INO80C: variants seen among roughly 807,000 people sequenced by gnomAD.
INO80C encodes INO80 complex subunit C.
Under a neutral mutation model 17.7 loss-of-function variants are expected in INO80C, and 17 were observed. The ratio of observed to expected loss-of-function variants is 0.96; its 90% CI spans 0.66 to 1.44. The LOEUF (loss-of-function observed/expected upper bound fraction) is 1.44, where lower values mean the gene tolerates loss of function less well. INO80C is among the 40% of genes most tolerant of loss of function. The probability of loss-of-function intolerance (pLI) is 0.00; values close to 1 mark genes in which losing one functional copy is unlikely to be tolerated. For missense variants in INO80C, 244 were observed against 245.0 expected, an observed-to-expected ratio of 1.00 and a Z score of 0.03; for synonymous variants, 96 against 95.8, an observed-to-expected ratio of 1.00 and a Z score of -0.01.
chr18:35,495,871 AAAG>A, intron 1 of INO80C, among the ~76,000 whole-genome samples: 1 of 152,340 alleles, frequency 6.6e-6, no homozygotes, highest in Non-Finnish European at 1.5e-5. Context: ...GCACTCCACA[AAAG>A]ATCTGGAATG....
At chr18:35,468,821 T>C in intron 4 of INO80C, 79 bp from the exon 5 acceptor site, 2 of 1,306,930 alleles carry the variant, frequency 1.5e-6, no homozygotes, top group Non-Finnish European at 2.2e-6. Flanking sequence ...AAAAATTTTT[T>C]CTATTTCACT....
Position 35,497,705 on chromosome 18 carries a change from G to T in INO80C, c.156+14C>A. ...CGCGACGCGCACGCGCAGCCTGGGA[G>T]CGCGACTGCGTACCTGCGCAAAGCT... On this transcript the variant is annotated intron_variant, in intron 1 of 4. Transcript: ENST00000334598. 2 of 1,608,714 alleles carry T rather than the reference G, an allele frequency of 1.2e-6. No individual in the cohort carries two copies. Among genetic ancestry groups the T allele is most frequent in the Admixed American group, 3.4e-5 (2 of 59,620 alleles).
At chr18:35,480,182 T>C (rs1439894833) in intron 2 of INO80C, among the ~76,000 whole-genome samples, 3 of 152,186 alleles carry the variant, frequency 2.0e-5, no homozygotes, top group Non-Finnish European at 4.4e-5. Context: ...ATGAAAAGGT[T>C]AGGGGAACAA....
At chr18:35,489,339 C>T (rs1292612223) in intron 1 of INO80C, 9 of 278,000 alleles carry the variant, frequency 3.2e-5, no homozygotes, top group Admixed American at 8.6e-5. Context: ...CACAGTTCCA[C>T]GTGGCTGGGG....
intron 1 of INO80C, among the ~76,000 whole-genome samples, chr18:35,481,049 A>G (rs2045801437): frequency 1.3e-5 from 2 of 152,186 alleles, no homozygotes; most frequent in African/African-American, 4.8e-5. Flanking sequence ...ACTCTGTCTT[A>G]AAATATTAAG....
intron 4 of INO80C, among the ~76,000 whole-genome samples, chr18:35,470,820 C>T (rs1480541830): frequency 6.6e-6 from 1 of 152,220 alleles, no homozygotes; most frequent in Non-Finnish European, 1.5e-5. Context: ...AAGTGACACC[C>T]AGGAGTTGAA....
At chr18:35,492,423 G>T (rs1462692113) in intron 1 of INO80C, among the ~76,000 whole-genome samples, 1 of 151,992 alleles carries the variant, frequency 6.6e-6, no homozygotes, top group Non-Finnish European at 1.5e-5. Context: ...GTGAAAAACG[G>T]GGCACGTAAT....
Position 35,468,683 on chromosome 18 carries a change from G to C in INO80C, c.507C>G (p.Tyr169Ter). The change falls in exon 5 of 5, where the codon TAC becomes TAG. Residue 169 changes from tyrosine to a stop codon, truncating the protein, a stop_gained. Coordinates refer to ENST00000334598, the MANE Select transcript of INO80C (RefSeq NM_194281.4). LOFTEE classifies it high-confidence loss of function. The stretch of plus-strand genomic sequence containing the variant: ...CGACGTCAGAGGGCAGCCTCCGAAT[G>C]TAGGAAAACTCTTCAATGGTGCTGA... ...LRFSTIEEFS[Y>*]IRRLPSDVVT... The C allele has an allele frequency of 6.2e-7, 1 of 1,614,208 alleles. No homozygotes were observed. Among genetic ancestry groups the C allele is most frequent in the Non-Finnish European group, 8.5e-7 (1 of 1,180,026 alleles).
chr18:35,468,735 T>C lies in INO80C; in HGVS notation c.455A>G (p.Tyr152Cys). 1.9e-6 allele frequency: 3 copies of C among 1,614,048 alleles called. No homozygotes were observed. Among genetic ancestry groups the C allele is most frequent in the Non-Finnish European group, 2.5e-6 (3 of 1,179,922 alleles). Residue 152 changes from tyrosine to cysteine, a missense_variant, in exon 5 of 5, where the codon TAC (tyrosine) becomes TGC (cysteine). By Grantham distance (194) the Tyr-to-Cys change is radical. Transcript: ENST00000334598. Reference protein sequence around the residue: ...YSDVSGLLANYTDPQSKLRFS... With the variant: ...YSDVSGLLANCTDPQSKLRFS... ...CCGCAGTTTGCTCTGGGGGTCTGTG[T>C]AGTTGGCCTGGGTGAAAAGAGGCAC...
At chr18:35,479,078 C>A in intron 3 of INO80C, 2 of 418,416 alleles carry the variant, frequency 4.8e-6, no homozygotes, top group Admixed American at 4.2e-5. Context: ...GACCTATGAC[C>A]CTAAAAACCA....
chr18:35,497,649 T>A, intron 1 of INO80C, 70 bp downstream of exon 1: 3 of 1,543,680 alleles, frequency 1.9e-6, no homozygotes, highest in Non-Finnish European at 2.6e-6. Flanking sequence ...GCACGCGCCC[T>A]GGCTCGGCTC....
At chr18:35,490,008 T>A (rs1360256121) in intron 1 of INO80C, among the ~76,000 whole-genome samples, 1 of 151,030 alleles carries the variant, frequency 6.6e-6, no homozygotes, top group African/African-American at 2.4e-5. Context: ...AAAAAAAAAA[T>A]ACAGTGACCA....
chr18:35,484,649 T>C (rs972793846), intron 1 of INO80C, among the ~76,000 whole-genome samples: 13 of 152,356 alleles, frequency 8.5e-5, no homozygotes, highest in East Asian at 3.9e-4. Context: ...CTAGACGTGG[T>C]TGAAGTATAC....
At chr18:35,493,662 TA>T (rs1186847517) in intron 1 of INO80C, among the ~76,000 whole-genome samples, 1 of 152,246 alleles carries the variant, frequency 6.6e-6, no homozygotes, top group Non-Finnish European at 1.5e-5. Context: ...TAAACTTCTT[TA>T]AATTTCAACT....
chr18:35,496,622 G>A (rs1017823438), intron 1 of INO80C, among the ~76,000 whole-genome samples: 3 of 152,174 alleles, frequency 2.0e-5, no homozygotes, highest in Non-Finnish European at 4.4e-5. Flanking sequence ...GCAATGGCAC[G>A]ATCATAGCTC....
chr18:35,482,939 T>C (rs1372135486), intron 1 of INO80C, among the ~76,000 whole-genome samples: 1 of 152,240 alleles, frequency 6.6e-6, no homozygotes, highest in East Asian at 1.9e-4. Flanking sequence ...TACTTAAATC[T>C]GGCCAGTGGT....
chr18:35,473,607 G>C (rs1352657493), intron 4 of INO80C, among the ~76,000 whole-genome samples: 3 of 152,172 alleles, frequency 2.0e-5, no homozygotes, highest in African/African-American at 4.8e-5. Flanking sequence ...GTGGTTAAGA[G>C]GGAAAGAGAA....
At chr18:35,469,117 C>T (rs547575025) in intron 4 of INO80C, among the ~76,000 whole-genome samples, 1 of 152,272 alleles carries the variant, frequency 6.6e-6, no homozygotes, top group East Asian at 1.9e-4. Flanking sequence ...GGAGCCGACG[C>T]CCAGCATGCT....
intron 4 of INO80C, among the ~76,000 whole-genome samples, chr18:35,473,240 C>CT (rs2045691742): frequency 6.6e-6 from 1 of 152,202 alleles, no homozygotes; most frequent in South Asian, 2.1e-4. Flanking sequence ...GATGAGCTCT[C>CT]TTGCCATAAA....
Sources: gnomAD v4.1 joint callset for allele counts (sites outside exome capture counted in the v4.1 genomes callset) on GRCh38, gnomAD v4.1.1 for gene constraint, MANE v1.5 for transcripts, NCBI Gene and HGNC (gene_info 2026-07-23, HGNC 2026-07-21) for gene names.